The following CENPE variants were observed in gnomAD, a reference collection of about 807,000 sequenced individuals.
The protein encoded by CENPE is centromere-associated protein E.
In CENPE, 145 loss-of-function variants were observed where a neutral mutation model predicts 336.1. That is an observed-to-expected ratio of 0.43 (90% CI 0.38 to 0.50). The LOEUF (loss-of-function observed/expected upper bound fraction) is 0.50. Among genes scored for constraint, CENPE ranks in the 20% least tolerant of loss-of-function variants. The pLI, the probability that CENPE is intolerant of heterozygous loss-of-function variation, is 0.00. For missense variants in CENPE, 2,719 were observed against 3,023.3 expected (o/e 0.90, Z 2.36); for synonymous variants, 1,013 against 984.8 (o/e 1.03, Z -0.54).
In CENPE at chr4:103,149,307, T is replaced by A; in HGVS notation, c.3498A>T (p.Glu1166Asp). ...KINEIENLKN[E>D]LKNKELTLEH... ...CCAATGTCAATTCTTTGTTCTTTAA[T>A]TCATTCTTTAAATTCTCTATTTCAT... The change falls in exon 27 of 49, where the codon GAA becomes GAT. Residue 1166 changes from glutamate to aspartate, a missense_variant. This residue lies in a region of CENPE where 2,437 missense variants were observed against 2,513.3 expected (regional missense o/e 0.97). Coordinates refer to ENST00000265148, the MANE Select transcript of CENPE (RefSeq NM_001813.3). 6 of 1,612,214 alleles carry A rather than the reference T, an allele frequency of 3.7e-6. No individual in the cohort carries two copies. The South Asian group carries it at 6.6e-5, about 18-fold the overall frequency.
chr4:103,163,497 T>A lies in CENPE; in HGVS notation c.1704A>T (p.Val568=). 1 of 1,594,578 alleles carries A rather than the reference T, an allele frequency of 6.3e-7. No homozygotes were observed. Among genetic ancestry groups the A allele is most frequent in the Non-Finnish European group, 8.5e-7 (1 of 1,171,828 alleles). The change falls in exon 17 of 49, where the codon GTA becomes GTT. Residue 568 remains valine, a synonymous_variant. Coordinates refer to ENST00000265148, the MANE Select transcript of CENPE (RefSeq NM_001813.3). ...NLKNLVKHAE[V]YNQDLENELS... is the part of the protein sequence containing the mutation. ...TGCTCACCTCAAGATCTTGATTATA[T>A]ACTTCTGCATGCTTAACTAAATTCT...
At chr4:103,118,973 G>A (rs554207452) in intron 44 of CENPE, among the ~76,000 whole-genome samples, 1 of 152,124 alleles carries the variant, frequency 6.6e-6, no homozygotes, top group Non-Finnish European at 1.5e-5. Flanking sequence ...CCTTTGCCTG[G>A]AATATTTCTC....
chr4:103,161,025 G>T, intron 20 of CENPE, 61 bp downstream of exon 20: 2 of 1,345,106 alleles, frequency 1.5e-6, no homozygotes, highest in Non-Finnish European at 1.0e-6. Context: ...TTGTCAAATT[G>T]TTTAGGTACA....
chr4:103,175,525 T>C (rs1341351467), intron 15 of CENPE, among the ~76,000 whole-genome samples: 1 of 152,106 alleles, frequency 6.6e-6, no homozygotes, highest in Non-Finnish European at 1.5e-5. Flanking sequence ...TATACAACTA[T>C]ACATCTTTAA....
intron 16 of CENPE, among the ~76,000 whole-genome samples, chr4:103,170,195 A>T (rs542765476): frequency 5.9e-5 from 9 of 152,174 alleles, no homozygotes; most frequent in Admixed American, 3.3e-4. Context: ...ATGACGAGTT[A>T]ATGGGTGCAG....
At chr4:103,152,804 G>A (rs577393272) in intron 25 of CENPE, among the ~76,000 whole-genome samples, 23 of 152,228 alleles carry the variant, frequency 1.5e-4, no homozygotes, top group African/African-American at 3.9e-4. Flanking sequence ...ATAATCTGGC[G>A]GGGAGGAGGT....
At chr4:103,106,666 T>C (rs906698793) in intron 48 of CENPE, among the ~76,000 whole-genome samples, 1 of 152,194 alleles carries the variant, frequency 6.6e-6, no homozygotes, top group African/African-American at 2.4e-5. Flanking sequence ...ACAAATAGTA[T>C]TTTAGAGAAT....
At chr4:103,174,670 G>C in intron 16 of CENPE, 66 bp downstream of exon 16, 1 of 1,164,818 alleles carries the variant, frequency 8.6e-7, no homozygotes, top group Non-Finnish European at 1.2e-6. Flanking sequence ...TTACATTATA[G>C]AAAAAAGAGA....
intron 38 of CENPE, among the ~76,000 whole-genome samples, chr4:103,138,766 G>T (rs920929883): frequency 6.6e-6 from 1 of 152,146 alleles, no homozygotes; most frequent in African/African-American, 2.4e-5. Flanking sequence ...CACTTTAGGA[G>T]ATCGAGGCAG....
At chr4:103,175,010 C>A (rs1755737193) in intron 15 of CENPE, 107 bp from the exon 16 acceptor site, 2 of 662,704 alleles carry the variant, frequency 3.0e-6, no homozygotes, top group Non-Finnish European at 4.7e-6. Context: ...GATTTGATAT[C>A]TTTCTAAAGT....
chr4:103,144,878 CTACTAACAGTT>C (rs1301998021), intron 32 of CENPE, among the ~76,000 whole-genome samples, 161 bp downstream of exon 32: 1 of 152,130 alleles, frequency 6.6e-6, no homozygotes, highest in Non-Finnish European at 1.5e-5. Context: ...AATATTCTGT[CTACTAACAGTT>C]TACTGGTACT....
In CENPE at chr4:103,153,241, T is replaced by C. The variant is rs771731164; in HGVS notation, c.3043A>G (p.Ile1015Val). ...KDEFQQKMVG[I>V]DKKQDLEAKN... Reference sequence around the variant, plus strand: ...GCTTCCAAATCCTGTTTTTTATCTATGCCAACCATCTAAAACATAAACACA... The same window carrying C: ...GCTTCCAAATCCTGTTTTTTATCTACGCCAACCATCTAAAACATAAACACA... The change falls in exon 25 of 49, where the codon ATA becomes GTA. Residue 1015 changes from isoleucine to valine, a missense_variant. Ile to Val is a conservative substitution (Grantham distance 29, BLOSUM62 3). Coordinates refer to ENST00000265148, the MANE Select transcript of CENPE (RefSeq NM_001813.3). 19 of 1,604,866 alleles carry C rather than the reference T, an allele frequency of 1.2e-5. No homozygotes were observed. The highest frequency in any genetic ancestry group is 8.5e-7 in the Non-Finnish European group (1 of 1,175,686).
intron 11 of CENPE, among the ~76,000 whole-genome samples, chr4:103,182,481 A>G (rs1438146114): frequency 6.6e-6 from 1 of 152,214 alleles, no homozygotes; most frequent in Non-Finnish European, 1.5e-5. Flanking sequence ...GACTAATATT[A>G]AAGTTTCCTT....
Position 103,163,161 on chromosome 4 carries a change from T to C in CENPE, c.1818A>G (p.Ile606Met). ...EYIDSQKLEN[I>M]KMDLSYSLES... is the part of the protein sequence containing the mutation. Reference sequence around the variant, plus strand: ...CCAATGAGTATGACAAGTCCATTTTTATATTTTCTAGCTTTTGAGAGTCTA... The same window carrying C: ...CCAATGAGTATGACAAGTCCATTTTCATATTTTCTAGCTTTTGAGAGTCTA... Residue 606 changes from isoleucine (I) to methionine (M), a missense_variant, in exon 18 of 49, where the codon ATA (isoleucine) becomes ATG (methionine). By Grantham distance (10) the Ile-to-Met change is conservative (BLOSUM62 1). This residue lies in a region of CENPE where 2,437 missense variants were observed against 2,513.3 expected (regional missense o/e 0.97). Transcript: ENST00000265148. 4 of 1,609,878 alleles carry C rather than the reference T, an allele frequency of 2.5e-6. No homozygotes were observed. The highest frequency in any genetic ancestry group is 3.4e-6 in the Non-Finnish European group (4 of 1,178,280).
intron 32 of CENPE, 114 bp from the exon 33 acceptor site, chr4:103,144,732 T>C (rs552305003): frequency 2.0e-4 from 141 of 711,710 alleles, no homozygotes; most frequent in Non-Finnish European, 2.9e-4. Context: ...TATGTAGTAC[T>C]TTCTTTCATA....
At chr4:103,194,136 A>T in intron 8 of CENPE, 93 bp downstream of exon 8, 2 of 849,634 alleles carry the variant, frequency 2.4e-6, no homozygotes, top group Non-Finnish European at 3.8e-6. Flanking sequence ...CATTTAGTTT[A>T]GTTAACAGTT....
At chr4:103,161,553 T>C (rs1433168579) in intron 18 of CENPE, 96 bp from the exon 19 acceptor site, 7 of 1,051,202 alleles carry the variant, frequency 6.7e-6, no homozygotes, top group Non-Finnish European at 9.1e-6. Context: ...CTCTAGCTAA[T>C]CAAAAAGCGT....
intron 44 of CENPE, among the ~76,000 whole-genome samples, chr4:103,118,236 G>T (rs114331037): frequency 1.5e-3 from 231 of 152,236 alleles, no homozygotes; most frequent in African/African-American, 5.3e-3. Flanking sequence ...GCATTTGGTG[G>T]TGTCAATGTT....
At chr4:103,133,535 T>C (rs1238224923) in intron 41 of CENPE, among the ~76,000 whole-genome samples, 160 bp downstream of exon 41, 1 of 152,190 alleles carries the variant, frequency 6.6e-6, no homozygotes, top group Non-Finnish European at 1.5e-5. Flanking sequence ...GAAGAGAGGC[T>C]AGTCCATTAT....
Sources: allele counts gnomAD v4.1 joint callset (sites outside exome capture counted in the v4.1 genomes callset), GRCh38; gene constraint gnomAD v4.1.1; regional missense constraint gnomAD v4.1.1; transcripts MANE v1.5; gene names NCBI Gene and HGNC (gene_info 2026-07-23, HGNC 2026-07-21).